The following MPHOSPH10 variants were observed in gnomAD, a reference collection of about 807,000 sequenced individuals.
MPHOSPH10 encodes the protein U3 small nucleolar ribonucleoprotein MPP10.
MPHOSPH10 carries 33 observed loss-of-function variants against 77.3 expected under a neutral mutation model. The observed-to-expected ratio is 0.43, with a 90% CI of 0.32 to 0.57. The LOEUF (loss-of-function observed/expected upper bound fraction) is 0.57. Ranked by LOEUF, MPHOSPH10 falls within the 20% of genes least tolerant of loss-of-function variation. The probability of loss-of-function intolerance (pLI) is 0.07; values close to 1 mark genes in which losing one functional copy is unlikely to be tolerated. For missense variants in MPHOSPH10, 708 were observed against 780.1 expected, an observed-to-expected ratio of 0.91 and a Z score of 1.10; for synonymous variants, 245 against 268.0, an observed-to-expected ratio of 0.91 and a Z score of 0.84.
rs779467366 is a variant in MPHOSPH10, at chr2:71,141,380, C to A, written c.1446+11C>A. The stretch of plus-strand genomic sequence containing the variant: ...ATCAAACTCAACCAGGTGAGGAAGC[C>A]TGTAAGGCCAAGCCATTATTATTAA... On this transcript the variant is annotated intron_variant, in intron 7 of 10. Transcript: ENST00000244230. 6.7e-7 allele frequency: 1 copy of A among 1,501,376 alleles called. No homozygotes were observed. Among genetic ancestry groups the A allele is most frequent in the Non-Finnish European group, 8.9e-7 (1 of 1,128,104 alleles). The allele number at this position is 1,501,376 out of a possible 1,614,324, so 93.0% of individuals were successfully genotyped here. A position where few individuals can be genotyped will look rare whatever the true frequency, so the allele number is the denominator to read the frequency against.
intron 7 of MPHOSPH10, among the ~76,000 whole-genome samples, chr2:71,142,293 A>C (rs992739295): frequency 1.3e-5 from 2 of 152,196 alleles, no homozygotes; most frequent in African/African-American, 4.8e-5. Context: ...AACTGAAAAG[A>C]TTTGAATTAA....
chr2:71,140,447 C>A (rs1357887716), intron 6 of MPHOSPH10, among the ~76,000 whole-genome samples: 3 of 152,090 alleles, frequency 2.0e-5, no homozygotes, highest in African/African-American at 7.2e-5. Flanking sequence ...TGATGATAAC[C>A]CATTAATCCA....
intron 2 of MPHOSPH10, 100 bp from the exon 3 acceptor site, chr2:71,133,846 CAG>C: frequency 2.2e-6 from 2 of 918,310 alleles, no homozygotes; most frequent in Non-Finnish European, 3.1e-6. Context: ...GTTATTAAGT[CAG>C]AAAGTAATAT....
Position 71,138,529 on chromosome 2 carries a change from GA to G in MPHOSPH10, c.1145del (p.Lys382SerfsTer9). 1.9e-6 allele frequency: 3 copies of G among 1,599,012 alleles called. No individual in the cohort carries two copies. The highest frequency in any genetic ancestry group is 1.1e-5 in the South Asian group (1 of 88,202). The part of the protein sequence containing the change: ...KIASLEKELL[E>X]KKPWQLQGEV... ...TGCATCTTTAGAAAAAGAGTTGTTAGAAAAAAAGCCGTGGCAGCTTCAGGGG... is the reference window on the plus strand; with the variant it reads ...TGCATCTTTAGAAAAAGAGTTGTTAGAAAAAAGCCGTGGCAGCTTCAGGGG... On this transcript the variant is annotated frameshift_variant, in exon 5 of 11. Coordinates refer to ENST00000244230, the MANE Select transcript of MPHOSPH10 (RefSeq NM_005791.3). LOFTEE classifies it high-confidence loss of function.
At chr2:71,135,805 C>G (rs1043351234) in intron 4 of MPHOSPH10, among the ~76,000 whole-genome samples, 1 of 149,562 alleles carries the variant, frequency 6.7e-6, no homozygotes, top group Non-Finnish European at 1.5e-5. Flanking sequence ...CAGGTTCAAT[C>G]AATTTTCCTG....
chr2:71,139,992 A>G (rs1673580164), intron 6 of MPHOSPH10, 130 bp downstream of exon 6: 1 of 639,916 alleles, frequency 1.6e-6, no homozygotes, highest in African/African-American at 1.8e-5. Flanking sequence ...AATCTAGGCT[A>G]CCTAGTCAGC....
intron 5 of MPHOSPH10, chr2:71,138,907 T>C: frequency 1.7e-6 from 1 of 596,226 alleles, no homozygotes. Context: ...CGGTGGCAGA[T>C]TTCAGAATCC....
At chr2:71,139,895 T>A in intron 6 of MPHOSPH10, 33 bp downstream of exon 6, 1 of 1,403,696 alleles carries the variant, frequency 7.1e-7, no homozygotes. Flanking sequence ...TTAATCAAAA[T>A]GTCACCAAGA....
chr2:71,142,646 A>G (rs1484502803), intron 7 of MPHOSPH10, among the ~76,000 whole-genome samples: 1 of 152,220 alleles, frequency 6.6e-6, no homozygotes, highest in Non-Finnish European at 1.5e-5. Context: ...GCCAATATAT[A>G]GCTACATATT....
At chr2:71,137,426 AG>A (rs1673517942) in intron 4 of MPHOSPH10, among the ~76,000 whole-genome samples, 1 of 152,082 alleles carries the variant, frequency 6.6e-6, no homozygotes, top group Non-Finnish European at 1.5e-5. Context: ...TGGGAGACCA[AG>A]GCAGGAGGAT....
intron 4 of MPHOSPH10, among the ~76,000 whole-genome samples, chr2:71,135,894 G>A (rs13025884): frequency 0.14 from 21,274 of 151,602 alleles, 1,863 homozygotes; most frequent in Admixed American, 0.24. Context: ...TAGTAGAGAC[G>A]GGGTTTCACC....
chr2:71,141,124 A>T, intron 6 of MPHOSPH10, 108 bp from the exon 7 acceptor site: 2 of 459,472 alleles, frequency 4.4e-6, no homozygotes, highest in Non-Finnish European at 6.1e-6. Flanking sequence ...ATAATTTATT[A>T]ATATATTGAT....
chr2:71,143,181 T>C lies in MPHOSPH10; in HGVS notation c.1447-1247T>C, dbSNP rs538891700. 1.2e-3 allele frequency among the ~76,000 whole-genome samples: 182 copies of C among 151,578 alleles called. 1 individual carries two copies. The highest frequency in any genetic ancestry group is 4.0e-3 in the African/African-American group (166 of 41,322). ...TTTTTGAGACGGAGTCTTGCTCGGT[T>C]GCCAGGCTGGAGTGCAGTGGCGTGA... On this transcript the variant is annotated intron_variant, in intron 7 of 10. Coordinates refer to ENST00000244230, the MANE Select transcript of MPHOSPH10 (RefSeq NM_005791.3).
chr2:71,148,152 T>C (rs1673753939), intron 9 of MPHOSPH10, 46 bp downstream of exon 9: 1 of 1,490,392 alleles, frequency 6.7e-7, no homozygotes, highest in Non-Finnish European at 9.4e-7. Context: ...ACAAGTTAGT[T>C]GATCATAGCC....
chr2:71,137,583 T>A (rs1489877030), intron 4 of MPHOSPH10, among the ~76,000 whole-genome samples: 1 of 144,954 alleles, frequency 6.9e-6, no homozygotes, highest in Non-Finnish European at 1.5e-5. Flanking sequence ...TGCTTGAGCC[T>A]AGGAGGTGGA....
At position 71,133,213 on chromosome 2, in the gene MPHOSPH10, G is replaced by A. The variant is rs1462492263; in HGVS notation, c.405G>A (p.Glu135=). 21 of 1,614,038 alleles carry A rather than the reference G, an allele frequency of 1.3e-5. No individual in the cohort carries two copies. Among genetic ancestry groups the A allele is most frequent in the Non-Finnish European group, 1.8e-5 (21 of 1,180,040 alleles). ...AGGAGGACCTAGAAGATTTAGAGGAGGAGGAAGTGTCCGACATGGGTAATG... is the reference window on the plus strand; with the variant it reads ...AGGAGGACCTAGAAGATTTAGAGGAAGAGGAAGTGTCCGACATGGGTAATG... The part of the protein sequence containing the change: ...DDKEDLEDLE[E]EEVSDMGNDD... The change falls in exon 2 of 11, where the codon GAG becomes GAA. Residue 135 remains glutamate (E), a synonymous_variant. Coordinates refer to ENST00000244230, the MANE Select transcript of MPHOSPH10 (RefSeq NM_005791.3).
Position 71,132,822 on chromosome 2 carries a change from GT to G in MPHOSPH10, c.90-68del, listed in dbSNP as rs140178097. On this transcript the variant is annotated intron_variant, in intron 1 of 10. Coordinates refer to ENST00000244230, the MANE Select transcript of MPHOSPH10 (RefSeq NM_005791.3). The stretch of plus-strand genomic sequence containing the variant: ...AAATTTTATTTTACAAAAGAGTTGG[GT>G]TTTTTTTATTTTTATTAAGAGTGCT... 9,045 of 1,476,232 alleles carry G rather than the reference GT, an allele frequency of 6.1e-3. 200 individuals are homozygous for G. The African/African-American group carries it at 0.063, about 10-fold the overall frequency. The allele number at this position is 1,476,232 out of a possible 1,614,324, so 91.4% of individuals were successfully genotyped here.
In MPHOSPH10 at chr2:71,133,450, A is replaced by G; in HGVS notation, c.642A>G (p.Leu214=). Residue 214 remains leucine, a synonymous_variant, in exon 2 of 11, where the codon TTA becomes TTG. Coordinates refer to ENST00000244230, the MANE Select transcript of MPHOSPH10 (RefSeq NM_005791.3). ...AACTCTCTGAAATGGAGGCCTATTT[A>G]GAAAACATAGAAAAAGAAGAGGAAC... ...FFKLSEMEAY[L]ENIEKEEERK... 6.2e-7 allele frequency: 1 copy of G among 1,614,114 alleles called. No individual in the cohort carries two copies. Among genetic ancestry groups the G allele is most frequent in the Non-Finnish European group, 8.5e-7 (1 of 1,179,990 alleles).
chr2:71,141,408 A>G (rs1673609588), intron 7 of MPHOSPH10, 39 bp downstream of exon 7: 1 of 1,430,916 alleles, frequency 7.0e-7, no homozygotes, highest in African/African-American at 1.5e-5. Context: ...ATTATTAAAG[A>G]AATAGAAGTA....
Sources: gnomAD v4.1 joint callset for allele counts (sites outside exome capture counted in the v4.1 genomes callset) on GRCh38, gnomAD v4.1.1 for gene constraint, MANE v1.5 for transcripts, NCBI Gene and HGNC (gene_info 2026-07-23, HGNC 2026-07-21) for gene names.